CEP295NL: variants seen among roughly 807,000 people sequenced by gnomAD.
CEP295NL encodes CEP295 N-terminal like, also known as protein DDC8 homolog.
A neutral mutation model predicts 4.6 loss-of-function variants in CEP295NL; 3 were observed. The observed-to-expected ratio is 0.65, with a 90% CI of 0.30 to 1.69. CEP295NL has a LOEUF of 1.69. Ranked by LOEUF, CEP295NL falls within the 40% of genes most tolerant of loss-of-function variation. The pLI, the probability that CEP295NL is intolerant of heterozygous loss-of-function variation, is 0.10. For synonymous variants in CEP295NL, 295 were observed against 312.2 expected (o/e 0.94, Z 0.58); for missense variants, 719 against 769.0 (o/e 0.93, Z 0.77).
chr17:78,893,118 CAT>C (rs967150542), intron 2 of CEP295NL, among the ~76,000 whole-genome samples: 12 of 139,494 alleles, frequency 8.6e-5, no homozygotes, highest in Non-Finnish European at 1.7e-4. Context: ...TGCACATGCA[CAT>C]GTGTGTGCAG....
intron 2 of CEP295NL, among the ~76,000 whole-genome samples, chr17:78,894,515 T>A (rs559737335): frequency 1.3e-5 from 2 of 152,262 alleles, no homozygotes; most frequent in Admixed American, 1.3e-4. Context: ...GATTGAGATT[T>A]TTGACAAAGG....
intron 2 of CEP295NL, chr17:78,899,656 G>A (rs1468293223): frequency 6.6e-6 from 1 of 152,238 alleles, no homozygotes; most frequent in Non-Finnish European, 1.5e-5. Context: ...ACACCAGACA[G>A]GGGTGGTAGA....
chr17:78,897,047 G>C, intron 2 of CEP295NL: 4 of 974,346 alleles, frequency 4.1e-6, no homozygotes, highest in Non-Finnish European at 4.9e-6. Context: ...ACCTCACCCA[G>C]GGACCCTCCA....
chr17:78,896,284 T>C lies in CEP295NL; in HGVS notation c.45-3825A>G, dbSNP rs567041178. Among the ~76,000 whole-genome samples the C allele has an allele frequency of 1.3e-5, 2 of 152,344 alleles. No homozygotes were observed. Among genetic ancestry groups the C allele is most frequent in the South Asian group, 4.1e-4 (2 of 4,830 alleles). On this transcript the variant is annotated intron_variant, in intron 2 of 2. Coordinates refer to ENST00000322630, the MANE Select transcript of CEP295NL (RefSeq NM_001243540.2). This position sits in a 1 kb window ranked among gnomAD's most constrained non-coding sequence, Gnocchi z 4.4. Reference sequence around the variant, plus strand: ...AACAGAGCCTTAGCTGAGCCCAAGATGACCAAGGAGAAACAGCCGTTCACC... The same window carrying C: ...AACAGAGCCTTAGCTGAGCCCAAGACGACCAAGGAGAAACAGCCGTTCACC...
chr17:78,892,229 G>A lies in CEP295NL; in HGVS notation c.275C>T (p.Ala92Val). The A allele has an allele frequency of 6.4e-7, 1 of 1,551,038 alleles. No individual in the cohort carries two copies. Among genetic ancestry groups the A allele is most frequent in the Non-Finnish European group, 8.7e-7 (1 of 1,147,090 alleles). ...LLQARGKGDL[A>V]LQRRADAKLW... ...CTTGGCATCCGCTCTTCTCTGCAGA[G>A]CGAGATCGCCTTTGCCCCGGGCTTG... The change falls in exon 3 of 3, where the codon GCT (alanine) becomes GTT (valine). Residue 92 changes from alanine (A) to valine (V), a missense_variant. By Grantham distance (64) the Ala-to-Val change is moderately conservative (BLOSUM62 0). Transcript: ENST00000322630.
intron 2 of CEP295NL, among the ~76,000 whole-genome samples, chr17:78,894,326 C>T (rs1236157173): frequency 1.3e-5 from 2 of 152,026 alleles, no homozygotes; most frequent in Non-Finnish European, 2.9e-5. Context: ...TGACCAACCT[C>T]AGGTGGTCAC....
intron 2 of CEP295NL, chr17:78,897,912 C>T (rs2070029045): frequency 6.6e-6 from 1 of 152,230 alleles, no homozygotes. Context: ...AAACTTAAAA[C>T]ATCTGGGCAG....
intron 2 of CEP295NL, chr17:78,900,079 A>C (rs1173755224): frequency 1.3e-5 from 2 of 152,104 alleles, no homozygotes; most frequent in African/African-American, 4.8e-5. Flanking sequence ...TTGGGATGAT[A>C]ATATAGGAAA....
At chr17:78,894,722 C>G (rs1025694218) in intron 2 of CEP295NL, among the ~76,000 whole-genome samples, 3 of 152,038 alleles carry the variant, frequency 2.0e-5, no homozygotes, top group Admixed American at 2.0e-4. Context: ...GGTGTATATT[C>G]ATGACCTTGA....
chr17:78,893,859 T>C (rs2069957662), intron 2 of CEP295NL, among the ~76,000 whole-genome samples: 1 of 152,122 alleles, frequency 6.6e-6, no homozygotes, highest in Non-Finnish European at 1.5e-5. Flanking sequence ...GAGGGGCATT[T>C]ACACCAAAAC....
chr17:78,893,359 G>C (rs1177782949), intron 2 of CEP295NL, among the ~76,000 whole-genome samples: 8 of 148,386 alleles, frequency 5.4e-5, no homozygotes, highest in African/African-American at 2.0e-4. Flanking sequence ...GGGTGTGTGT[G>C]CAGGGGTGTG....
In CEP295NL at chr17:78,896,784, C is replaced by T. The variant is rs888161573; in HGVS notation, c.45-4325G>A. 2.6e-5 allele frequency among the ~76,000 whole-genome samples: 4 copies of T among 152,156 alleles called. No individual in the cohort carries two copies. Among genetic ancestry groups the T allele is most frequent in the Admixed American group, 6.5e-5 (1 of 15,284 alleles). On this transcript the variant is annotated intron_variant, in intron 2 of 2. Transcript: ENST00000322630. This position sits in a 1 kb window ranked among gnomAD's most constrained non-coding sequence, Gnocchi z 4.4. ...GACGGCACCAGGGCCTCCCACAGAG[C>T]GGAGTGGACACTGGGCCCATTCTCC... is the stretch of plus-strand genomic sequence containing the variant.
At chr17:78,899,465 G>T (rs1318223516) in intron 2 of CEP295NL, 2 of 152,244 alleles carry the variant, frequency 1.3e-5, no homozygotes, top group Non-Finnish European at 2.9e-5. Flanking sequence ...TGGTGAAGGG[G>T]TAGATTCCTG....
rs561437506 is a variant in CEP295NL at position 78,893,258 on chromosome 17, C to T, written c.45-799G>A. Among the ~76,000 whole-genome samples, 24 of 109,794 alleles carry T rather than the reference C, an allele frequency of 2.2e-4. No homozygotes were observed. In the East Asian group the frequency reaches 6.9e-3, roughly 32 times the overall value. 72.0% of individuals were successfully genotyped at this position (109,794 alleles called of 152,430 possible). On this transcript the variant is annotated intron_variant, in intron 2 of 2. Coordinates refer to ENST00000322630, the MANE Select transcript of CEP295NL (RefSeq NM_001243540.2). ...GCATGTGTGTGTAGGAGTGTGTGTG[C>T]AGGGGTGTGTGTGTAGGGGTGTGCG...
intron 2 of CEP295NL, among the ~76,000 whole-genome samples, chr17:78,892,803 C>G (rs2069922331): frequency 6.6e-6 from 1 of 152,164 alleles, no homozygotes. Context: ...CTGAATACCC[C>G]ACACTGCACA....
chr17:78,901,337 C>T lies in CEP295NL; in HGVS notation c.44+448G>A, dbSNP rs148627033. 432 of 167,142 alleles carry T rather than the reference C, an allele frequency of 2.6e-3. 2 individuals carry two copies. Among genetic ancestry groups the T allele is most frequent in the East Asian group, 5.2e-3 (29 of 5,624 alleles). The allele number at this position is 167,142 out of a possible 1,614,324, so 10.4% of individuals were successfully genotyped here. Reference sequence around the variant, plus strand: ...CCGTGATGAAATGATCAGGAATAAACCTGTCCAGAACTGTTCAAGACCTAA... The same window carrying T: ...CCGTGATGAAATGATCAGGAATAAATCTGTCCAGAACTGTTCAAGACCTAA... On this transcript the variant is annotated intron_variant, in intron 2 of 2. Transcript: ENST00000322630.
chr17:78,893,161 G>T (rs1213672867), intron 2 of CEP295NL, among the ~76,000 whole-genome samples: 2 of 148,894 alleles, frequency 1.3e-5, no homozygotes, highest in African/African-American at 4.9e-5. Flanking sequence ...GTGTGCAGGG[G>T]TGTGTGTGCA....
At chr17:78,902,005 TA>T (rs2145785394) in intron 1 of CEP295NL, 79 bp from the exon 2 acceptor site, 5 of 573,702 alleles carry the variant, frequency 8.7e-6, no homozygotes, top group Non-Finnish European at 1.6e-5. Context: ...TTCTAGCCTC[TA>T]AAAATACCCT....
Position 78,892,012 on chromosome 17 carries a change from C to G in CEP295NL, c.492G>C (p.Pro164=). The G allele has an allele frequency of 6.4e-7, 1 of 1,550,696 alleles. No individual in the cohort carries two copies. The change falls in exon 3 of 3, where the codon CCG becomes CCC. Residue 164 remains proline, a synonymous_variant. Transcript: ENST00000322630. ...GPIQRRSARP[P]RAKEKHRAAL... ...CTGCTCTATGCTTCTCCTTGGCCCT[C>G]GGGGGCCTGGCTGATCTTCGCTGGA...
Sources: gnomAD v4.1 joint callset for allele counts (sites outside exome capture counted in the v4.1 genomes callset) on GRCh38, gnomAD v4.1.1 for gene constraint, Gnocchi (gnomAD v3.1) non-coding constraint, MANE v1.5 for transcripts, NCBI Gene and HGNC (gene_info 2026-07-23, HGNC 2026-07-21) for gene names.